The following SCD variants were observed in gnomAD, a reference collection of about 807,000 sequenced individuals.
SCD encodes the protein stearoyl-CoA desaturase.
A neutral mutation model predicts 35.7 loss-of-function variants in SCD; 4 were observed. That is an observed-to-expected ratio of 0.11 (90% CI 0.06 to 0.26). The LOEUF is 0.26. SCD is among the 10% of genes least tolerant of loss of function. The pLI is 1.00. For missense variants in SCD, 282 were observed against 460.7 expected, an observed-to-expected ratio of 0.61 and a Z score of 3.55; for synonymous variants, 150 against 170.2, an observed-to-expected ratio of 0.88 and a Z score of 0.92.
chr10:100,360,709 C>G lies in SCD; in HGVS notation c.881-25C>G, dbSNP rs200852330. The G allele has an allele frequency of 1.2e-4, 190 of 1,610,532 alleles. 1 individual carries two copies. In the African/African-American group the frequency reaches 2.4e-3, roughly 20 times the overall value. On this transcript the variant is annotated intron_variant, in intron 5 of 5. Coordinates refer to ENST00000370355, the MANE Select transcript of SCD (RefSeq NM_005063.5). ...AAGAAAACCTCAATGCACCGTCACT[C>G]CATAACTTCTCGCTTTTGTTTCAGG...
chr10:100,360,487 T>A (rs1849978548), intron 5 of SCD, among the ~76,000 whole-genome samples: 1 of 152,178 alleles, frequency 6.6e-6, no homozygotes, highest in African/African-American at 2.4e-5. Flanking sequence ...CCTAGCACTT[T>A]GGGTGGTCAA....
rs11557931 is a variant in SCD at position 100,364,465 on chromosome 10, G to A, written c.*3532G>A. On this transcript the variant is annotated 3_prime_UTR_variant, in exon 6 of 6. Transcript: ENST00000370355. ...AGCATTTTGGGATCCTTCAGCACAG[G>A]AATTCTCAAGACCTGAGTATTTTTT... The A allele has an allele frequency of 3.5e-3, 535 of 152,700 alleles. 2 individuals are homozygous for A. Among genetic ancestry groups the A allele is most frequent in the Admixed American group, 5.1e-3 (78 of 15,286 alleles). 9.5% of individuals were successfully genotyped at this position (152,700 alleles called of 1,614,324 possible). A position where few individuals can be genotyped will look rare whatever the true frequency, so the allele number is the denominator to read the frequency against.
At position 100,352,904 on chromosome 10, in the gene SCD, C is replaced by T. The variant is rs1849886050; in HGVS notation, c.441+408C>T. On this transcript the variant is annotated intron_variant, in intron 3 of 5. Coordinates refer to ENST00000370355, the MANE Select transcript of SCD (RefSeq NM_005063.5). This position sits in a 1 kb window ranked among gnomAD's most constrained non-coding sequence, Gnocchi z 4.2. ...TAGGGAGGCAGAGCTGGGAGGATCA[C>T]TGGAGCCCAGGAGTTTGAAGCTGCA... Among the ~76,000 whole-genome samples the T allele has an allele frequency of 6.6e-6, 1 of 152,092 alleles. No individual in the cohort carries two copies. Among genetic ancestry groups the T allele is most frequent in the South Asian group, 2.1e-4 (1 of 4,818 alleles).
chr10:100,350,046 C>T (rs1386866707), intron 2 of SCD, among the ~76,000 whole-genome samples: 1 of 152,086 alleles, frequency 6.6e-6, no homozygotes, highest in Non-Finnish European at 1.5e-5. Context: ...AGCAGAATTC[C>T]ATCCCAAAGT....
rs1445632322 is a variant in SCD at position 100,354,423 on chromosome 10, C to G, written c.442-4C>G. ...CCTTACATTCCTCTTCTCTCTCTCC[C>G]CAGAATGATGTCTATGAATGGGCTC... On this transcript the variant is annotated splice_polypyrimidine_tract_variant and splice_region_variant and intron_variant, in intron 3 of 5. Transcript: ENST00000370355. 5.0e-6 allele frequency: 8 copies of G among 1,612,750 alleles called. No homozygotes were observed. The highest frequency in any genetic ancestry group is 6.8e-6 in the Non-Finnish European group (8 of 1,178,798).
Position 100,348,164 on chromosome 10 carries a change from A to G in SCD, c.128A>G (p.Glu43Gly), listed in dbSNP as rs1398000176. ...DKLETMPLYL[E>G]DDIRPDIKDD... ...TTGGAGACGATGCCCCTCTACTTGG[A>G]AGACGACATTCGCCCTGATATAAAA... Residue 43 changes from glutamate to glycine, a missense_variant, in exon 2 of 6, where the codon GAA becomes GGA. Physicochemically the swap from Glu to Gly is moderately conservative, Grantham distance 98. This residue lies in a region of SCD where 77 missense variants were observed against 88.4 expected (regional missense o/e 0.87). Coordinates refer to ENST00000370355, the MANE Select transcript of SCD (RefSeq NM_005063.5). 1 of 1,613,896 alleles carries G rather than the reference A, an allele frequency of 6.2e-7. No individual in the cohort carries two copies. The highest frequency in any genetic ancestry group is 1.1e-5 in the South Asian group (1 of 91,064).
At chr10:100,359,209 C>T (rs1466063304) in intron 5 of SCD, among the ~76,000 whole-genome samples, 2 of 152,118 alleles carry the variant, frequency 1.3e-5, no homozygotes, top group Admixed American at 1.3e-4. Context: ...TTATCATTCA[C>T]TCCTCCTTGC....
At position 100,348,359 on chromosome 10, in the gene SCD, C is replaced by T. The variant is rs773580911; in HGVS notation, c.310+13C>T. 1.9e-6 allele frequency: 3 copies of T among 1,611,366 alleles called. No individual in the cohort carries two copies. Among genetic ancestry groups the T allele is most frequent in the Non-Finnish European group, 2.5e-6 (3 of 1,178,642 alleles). On this transcript the variant is annotated intron_variant, in intron 2 of 5. Coordinates refer to ENST00000370355, the MANE Select transcript of SCD (RefSeq NM_005063.5). ...ACCTGGCTTTGGGGTAAGCAGCCTCCCTGTCCTCCTGACCTAGTCCTCCAG... is the reference window on the plus strand; with the variant it reads ...ACCTGGCTTTGGGGTAAGCAGCCTCTCTGTCCTCCTGACCTAGTCCTCCAG...
chr10:100,347,565 T>G, intron 1 of SCD, 34 bp downstream of exon 1: 2 of 1,612,506 alleles, frequency 1.2e-6, no homozygotes, highest in Non-Finnish European at 1.7e-6. Context: ...TACCGCCGGG[T>G]CGCAGGCGCG....
chr10:100,354,708 A>G lies in SCD; in HGVS notation c.647+76A>G, dbSNP rs749241224. On this transcript the variant is annotated intron_variant, in intron 4 of 5. Coordinates refer to ENST00000370355, the MANE Select transcript of SCD (RefSeq NM_005063.5). ...TAGGGACCCCATTTTTTCTCCTGAGACTTTCAAAATATAAGCTGAGAAATT... is the reference window on the plus strand; with the variant it reads ...TAGGGACCCCATTTTTTCTCCTGAGGCTTTCAAAATATAAGCTGAGAAATT... 3.5e-6 allele frequency: 4 copies of G among 1,134,152 alleles called. No individual in the cohort carries two copies. In the Admixed American group the frequency reaches 6.1e-5, roughly 17 times the overall value. 70.3% of individuals were successfully genotyped at this position (1,134,152 alleles called of 1,614,324 possible).
chr10:100,353,539 C>T (rs1027516978), intron 3 of SCD, among the ~76,000 whole-genome samples: 8 of 147,092 alleles, frequency 5.4e-5, no homozygotes, highest in East Asian at 4.0e-4. Context: ...GAGCTGAGAT[C>T]GCGCCACTGC....
chr10:100,347,482 G>C lies in SCD; in HGVS notation c.-23G>C, dbSNP rs1849809703. ...CCGGAGCCTCAGCCCCCTGGAAAGT[G>C]ATCCCGGCATCCGAGAGCCAAGATG... On this transcript the variant is annotated 5_prime_UTR_variant, in exon 1 of 6. Coordinates refer to ENST00000370355, the MANE Select transcript of SCD (RefSeq NM_005063.5). 2 of 1,613,560 alleles carry C rather than the reference G, an allele frequency of 1.2e-6. No individual in the cohort carries two copies. Among genetic ancestry groups the C allele is most frequent in the African/African-American group, 2.7e-5 (2 of 74,930 alleles).
intron 4 of SCD, among the ~76,000 whole-genome samples, chr10:100,355,107 G>C (rs1228430696): frequency 6.6e-6 from 1 of 152,010 alleles, no homozygotes; most frequent in Non-Finnish European, 1.5e-5. Flanking sequence ...ATTTTTTGTG[G>C]GGACAAGGTC....
Position 100,356,333 on chromosome 10 carries a change from G to A in SCD, c.648-199G>A, listed in dbSNP as rs542343128. 2.6e-5 allele frequency among the ~76,000 whole-genome samples: 4 copies of A among 152,226 alleles called. No individual in the cohort carries two copies. Among genetic ancestry groups the A allele is most frequent in the Non-Finnish European group, 2.9e-5 (2 of 68,008 alleles). On this transcript the variant is annotated intron_variant, in intron 4 of 5. Coordinates refer to ENST00000370355, the MANE Select transcript of SCD (RefSeq NM_005063.5). The surrounding 1 kb of genome is among the most constrained non-coding windows in gnomAD (Gnocchi z 4.1). ...CAAGGCTGTGGTGAACTAAGGTCAC[G>A]CCACTGCACTCCAGCCTTGGCAACA... is the stretch of plus-strand genomic sequence containing the variant.
Position 100,348,138 on chromosome 10 carries a change from G to T in SCD, c.102G>T (p.Lys34Asn), listed in dbSNP as rs770813391. 3.7e-6 allele frequency: 6 copies of T among 1,613,860 alleles called. No homozygotes were observed. The highest frequency in any genetic ancestry group is 1.7e-6 in the Non-Finnish European group (2 of 1,179,824). Residue 34 changes from lysine (K) to asparagine (N), a missense_variant, in exon 2 of 6, where the codon AAG becomes AAT. Around this residue, in one of 2 missense-constraint regions of SCD, gnomAD observed 77 missense variants for 88.4 expected, o/e 0.87. Coordinates refer to ENST00000370355, the MANE Select transcript of SCD (RefSeq NM_005063.5). ...GGGTCCTGCAGAATGGAGGAGATAA[G>T]TTGGAGACGATGCCCCTCTACTTGG... ...PSRVLQNGGD[K>N]LETMPLYLED...
At chr10:100,351,328 C>G (rs768962293) in intron 2 of SCD, among the ~76,000 whole-genome samples, 18 of 133,476 alleles carry the variant, frequency 1.3e-4, no homozygotes, top group Non-Finnish European at 2.9e-4. Flanking sequence ...GAATATCCCA[C>G]CATTGTCTAG....
chr10:100,353,382 A>G (rs1159598440), intron 3 of SCD, among the ~76,000 whole-genome samples: 3 of 152,210 alleles, frequency 2.0e-5, no homozygotes, highest in East Asian at 1.9e-4. Flanking sequence ...TCAGGAGATC[A>G]AGATCATCCT....
Position 100,355,487 on chromosome 10 carries a change from G to A in SCD, c.647+855G>A, listed in dbSNP as rs535751606. 1.2e-4 allele frequency among the ~76,000 whole-genome samples: 18 copies of A among 152,246 alleles called. No homozygotes were observed. In the South Asian group the frequency reaches 3.5e-3, roughly 30 times the overall value. ...TGGAGAGACTAATGCCATTCTTGTCGAGTCCTAAAAGCAGACTTAGGACTT... is the reference window on the plus strand; with the variant it reads ...TGGAGAGACTAATGCCATTCTTGTCAAGTCCTAAAAGCAGACTTAGGACTT... On this transcript the variant is annotated intron_variant, in intron 4 of 5. Coordinates refer to ENST00000370355, the MANE Select transcript of SCD (RefSeq NM_005063.5).
chr10:100,348,564 C>T (rs1170717130), intron 2 of SCD, among the ~76,000 whole-genome samples: 2 of 141,478 alleles, frequency 1.4e-5, no homozygotes, highest in African/African-American at 5.5e-5. Flanking sequence ...GCTTTGGAAC[C>T]TTGTGCTTGT....
Sources: gnomAD v4.1 joint callset for allele counts (sites outside exome capture counted in the v4.1 genomes callset) on GRCh38, gnomAD v4.1.1 for gene constraint, gnomAD v4.1.1 regional missense constraint, Gnocchi (gnomAD v3.1) non-coding constraint, MANE v1.5 for transcripts, NCBI Gene and HGNC (gene_info 2026-07-23, HGNC 2026-07-21) for gene names.